ACP3: variants seen among roughly 807,000 people sequenced by gnomAD.
ACP3 encodes prostatic acid phosphatase.
A neutral mutation model predicts 45.6 loss-of-function variants in ACP3; 38 were observed. The observed-to-expected ratio is 0.83, with a 90% CI of 0.64 to 1.09. The LOEUF (loss-of-function observed/expected upper bound fraction) is 1.09. Among genes scored for constraint, ACP3 ranks in the 50% least tolerant of loss-of-function variants. ACP3 has a pLI of 0.00. For synonymous variants in ACP3, 162 were observed against 164.7 expected (o/e 0.98, Z 0.13); for missense variants, 466 against 463.2 (o/e 1.01, Z -0.05).
At chr3:132,351,522 T>A (rs1937738677) in intron 8 of ACP3, among the ~76,000 whole-genome samples, 1 of 152,190 alleles carries the variant, frequency 6.6e-6, no homozygotes, top group Non-Finnish European at 1.5e-5. Flanking sequence ...AAGAGGTGAC[T>A]GAAGATGCCA....
chr3:132,317,525 T>A lies in ACP3; in HGVS notation c.69T>A (p.Phe23Leu), dbSNP rs755615131. 1.1e-5 allele frequency: 18 copies of A among 1,613,732 alleles called. No homozygotes were observed. Among genetic ancestry groups the A allele is most frequent in the Non-Finnish European group, 1.4e-5 (16 of 1,179,882 alleles). ...SLSLGFLFLL[F>L]FWLDRSVLAK... ...GCCTTGGCTTCTTGTTTCTGCTTTT[T>A]TTCTGGCTAGACCGAAGTGTACTAG... Residue 23 changes from phenylalanine (F) to leucine (L), a missense_variant, in exon 1 of 10, where the codon TTT (phenylalanine) becomes TTA (leucine). Phe to Leu is a conservative substitution (Grantham distance 22). Coordinates refer to ENST00000336375, the MANE Select transcript of ACP3 (RefSeq NM_001099.5).
chr3:132,356,458 C>T (rs1217729196), intron 9 of ACP3, among the ~76,000 whole-genome samples: 3 of 152,124 alleles, frequency 2.0e-5, no homozygotes, highest in Non-Finnish European at 2.9e-5. Context: ...TGGTGCCTAC[C>T]TCCTATGTCC....
At chr3:132,324,676 C>T (rs1386181708) in intron 1 of ACP3, among the ~76,000 whole-genome samples, 2 of 152,120 alleles carry the variant, frequency 1.3e-5, no homozygotes, top group Non-Finnish European at 2.9e-5. Context: ...CGGAGTCTCA[C>T]TCTGTCACCA....
chr3:132,358,455 G>T lies in ACP3; in HGVS notation c.*1577G>T, dbSNP rs1480795736. The T allele has an allele frequency of 7.8e-7, 1 of 1,275,288 alleles. No individual in the cohort carries two copies. Among genetic ancestry groups the T allele is most frequent in the Non-Finnish European group, 1.0e-6 (1 of 980,924 alleles). The allele number at this position is 1,275,288 out of a possible 1,614,324, so 79.0% of individuals were successfully genotyped here. A position where few individuals can be genotyped will look rare whatever the true frequency, so the allele number is the denominator to read the frequency against. ...TGCCCACTCTGCAAGAAGAAATCAT[G>T]ATATAGCTTTGCCATGTGGCAGATC... On this transcript the variant is annotated 3_prime_UTR_variant, in exon 10 of 10. Coordinates refer to ENST00000336375, the MANE Select transcript of ACP3 (RefSeq NM_001099.5).
At chr3:132,355,510 T>TTTTATTTTATTTTATTTTTA (rs1553734474) in intron 9 of ACP3, among the ~76,000 whole-genome samples, 2 of 50,726 alleles carry the variant, frequency 3.9e-5, no homozygotes, top group African/African-American at 1.2e-4. Context: ...TTTTATTTTA[T>TTTTATTTTATTTTATTTTTA]TTTTATTTTA....
At chr3:132,337,418 G>C in intron 4 of ACP3, 38 bp from the exon 5 acceptor site, 1 of 1,361,112 alleles carries the variant, frequency 7.3e-7, no homozygotes, top group Non-Finnish European at 1.0e-6. Flanking sequence ...AAGTTTTTCT[G>C]ACTCATAACA....
At position 132,357,033 on chromosome 3, in the gene ACP3, A is replaced by G. The variant is rs1937922888; in HGVS notation, c.*155A>G. On this transcript the variant is annotated 3_prime_UTR_variant, in exon 10 of 10. Transcript: ENST00000336375. ...GGACCCCCAACCTCAGGCAATTCCTACCTCTTCACCTGACCCTGCCCCCAC... is the reference window on the plus strand; with the variant it reads ...GGACCCCCAACCTCAGGCAATTCCTGCCTCTTCACCTGACCCTGCCCCCAC... The G allele has an allele frequency of 7.2e-7, 1 of 1,380,414 alleles. No homozygotes were observed. Among genetic ancestry groups the G allele is most frequent in the African/African-American group, 1.5e-5 (1 of 68,416 alleles). The allele number at this position is 1,380,414 out of a possible 1,614,324, so 85.5% of individuals were successfully genotyped here.
intron 1 of ACP3, among the ~76,000 whole-genome samples, chr3:132,323,367 G>C (rs1937239506): frequency 6.6e-6 from 1 of 152,174 alleles, no homozygotes; most frequent in Admixed American, 6.5e-5. Context: ...GGTTATAGCA[G>C]TGCTTGTGAC....
At position 132,357,282 on chromosome 3, in the gene ACP3, C is replaced by A. The variant is rs1937929680; in HGVS notation, c.*404C>A. 13 of 977,260 alleles carry A rather than the reference C, an allele frequency of 1.3e-5. No individual in the cohort carries two copies. Among genetic ancestry groups the A allele is most frequent in the South Asian group, 4.7e-5 (1 of 21,084 alleles). The allele number at this position is 977,260 out of a possible 1,614,324, so 60.5% of individuals were successfully genotyped here. ...TAAATGTCTGAAATGGAACAGATTT[C>A]AAAAAAAAACCCCACAATCTAGGAT... On this transcript the variant is annotated 3_prime_UTR_variant, in exon 10 of 10. Transcript: ENST00000336375.
At chr3:132,350,099 T>C in intron 8 of ACP3, 97 bp downstream of exon 8, 1 of 804,364 alleles carries the variant, frequency 1.2e-6, no homozygotes, top group Non-Finnish European at 2.1e-6. Flanking sequence ...TTTCCCCATC[T>C]CCTTGTACGT....
At chr3:132,345,111 A>G in intron 7 of ACP3, 52 bp downstream of exon 7, 1 of 1,523,424 alleles carries the variant, frequency 6.6e-7, no homozygotes, top group South Asian at 1.2e-5. Context: ...TGAATGATCC[A>G]GGTCTGAGTC....
downstream of ACP3, among the ~76,000 whole-genome samples, chr3:132,361,537 A>C (rs17183289): frequency 0.12 from 17,918 of 152,230 alleles, 1,350 homozygotes; most frequent in Non-Finnish European, 0.18. Flanking sequence ...TGAAGCAAGC[A>C]AAAGTCCAAG....
Position 132,356,755 on chromosome 3 carries a change from C to A in ACP3, c.1038C>A (p.Gly346=). The change falls in exon 10 of 10, where the codon GGC becomes GGA. Residue 346 remains glycine (G), a synonymous_variant. Transcript: ENST00000336375. ...AGCCGTATCCCCTCATGCTACCTGG[C>A]TGCAGCCCCAGCTGTCCTCTGGAGA... The part of the protein sequence containing the change: ...QHEPYPLMLP[G]CSPSCPLERF... 4 of 1,614,168 alleles carry A rather than the reference C, an allele frequency of 2.5e-6. No homozygotes were observed. Among genetic ancestry groups the A allele is most frequent in the Non-Finnish European group, 3.4e-6 (4 of 1,180,038 alleles).
intron 9 of ACP3, 63 bp downstream of exon 9, chr3:132,352,886 T>A: frequency 8.0e-7 from 1 of 1,252,224 alleles, no homozygotes; most frequent in Non-Finnish European, 1.2e-6. Context: ...TATTATTATT[T>A]TGGGTTAAGG....
Position 132,349,935 on chromosome 3 carries a change from A to C in ACP3, c.797A>C (p.Glu266Ala). 5 of 1,612,376 alleles carry C rather than the reference A, an allele frequency of 3.1e-6. No individual in the cohort carries two copies. The highest frequency in any genetic ancestry group is 4.2e-6 in the Non-Finnish European group (5 of 1,178,486). ...SRLQGGVLVN[E>A]ILNHMKRATQ... ...CTTCTTTAAGGTGTCCTGGTCAATG[A>C]AATCCTCAATCACATGAAGAGAGCA... is the stretch of plus-strand genomic sequence containing the variant. Residue 266 changes from glutamate to alanine, a missense_variant, in exon 8 of 10, where the codon GAA (glutamate) becomes GCA (alanine). By Grantham distance (107) the Glu-to-Ala change is moderately radical. Transcript: ENST00000336375.
chr3:132,345,824 G>A (rs1359623550), intron 7 of ACP3, among the ~76,000 whole-genome samples: 1 of 152,186 alleles, frequency 6.6e-6, no homozygotes, highest in Non-Finnish European at 1.5e-5. Flanking sequence ...GACCAGCAAA[G>A]ACAAGGACAG....
chr3:132,331,002 C>G (rs1417340587), intron 2 of ACP3, among the ~76,000 whole-genome samples: 1 of 152,176 alleles, frequency 6.6e-6, no homozygotes, highest in Non-Finnish European at 1.5e-5. Flanking sequence ...TAATGCAGTG[C>G]ATCTCAGTGA....
In ACP3 at chr3:132,356,668, T is replaced by A; in HGVS notation, c.969-18T>A. The stretch of plus-strand genomic sequence containing the variant: ...ACACAGAACTAACAGAGCTCTCTCC[T>A]CTGCCTTTGTCTGCCAGGGAGTACT... On this transcript the variant is annotated intron_variant, in intron 9 of 9. Transcript: ENST00000336375. The A allele has an allele frequency of 1.2e-6, 2 of 1,613,414 alleles. No homozygotes were observed. Among genetic ancestry groups the A allele is most frequent in the Non-Finnish European group, 8.5e-7 (1 of 1,179,980 alleles).
chr3:132,328,301 C>G lies in ACP3; in HGVS notation c.155C>G (p.Thr52Ser). The change falls in exon 2 of 10, where the codon ACC becomes AGC. Residue 52 changes from threonine (T) to serine (S), a missense_variant. By Grantham distance (58) the Thr-to-Ser change is moderately conservative. Coordinates refer to ENST00000336375, the MANE Select transcript of ACP3 (RefSeq NM_001099.5). ...FRHGDRSPIDTFPTDPIKESS... is the reference protein window; with the variant it reads ...FRHGDRSPIDSFPTDPIKESS... ...CATGGAGACCGAAGTCCCATTGACA[C>G]CTTTCCCACTGACCCCATAAAGGAA... 1 of 1,613,984 alleles carries G rather than the reference C, an allele frequency of 6.2e-7. No individual in the cohort carries two copies.
Sources: gnomAD v4.1 joint callset for allele counts (sites outside exome capture counted in the v4.1 genomes callset) on GRCh38, gnomAD v4.1.1 for gene constraint, MANE v1.5 for transcripts, NCBI Gene and HGNC (gene_info 2026-07-23, HGNC 2026-07-21) for gene names.